Variants in ADGRD1 observed in about 807,000 individuals in gnomAD.
ADGRD1 encodes adhesion G protein-coupled receptor D1, also known as G-protein coupled receptor 133.
ADGRD1 carries 77 observed loss-of-function variants against 113.4 expected under a neutral mutation model. The observed-to-expected ratio is 0.68, with a 90% CI of 0.57 to 0.82. The LOEUF (loss-of-function observed/expected upper bound fraction) is 0.82. ADGRD1 is among the 40% of genes least tolerant of loss of function. The pLI is 0.00. For synonymous variants in ADGRD1, 474 were observed against 475.0 expected (o/e 1.00, Z 0.03); for missense variants, 1,036 against 1,139.1 (o/e 0.91, Z 1.30).
intron 5 of ADGRD1, among the ~76,000 whole-genome samples, chr12:130,982,358 A>G (rs920547455): frequency 6.6e-6 from 1 of 152,258 alleles, no homozygotes; most frequent in Admixed American, 6.5e-5. Context: ...TGTGATGTGC[A>G]GATGATATTG....
At chr12:131,103,069 C>T (rs1950130312) in intron 15 of ADGRD1, among the ~76,000 whole-genome samples, 1 of 152,262 alleles carries the variant, frequency 6.6e-6, no homozygotes, top group Non-Finnish European at 1.5e-5. Flanking sequence ...GCAGTGCCCA[C>T]CTTTCCCGTG....
chr12:130,995,779 T>G (rs1440783281), intron 8 of ADGRD1, among the ~76,000 whole-genome samples: 1 of 152,244 alleles, frequency 6.6e-6, no homozygotes, highest in Non-Finnish European at 1.5e-5. Context: ...TTTTAATTTT[T>G]TATTGATCAT....
intron 18 of ADGRD1, among the ~76,000 whole-genome samples, chr12:131,111,827 C>T (rs1203633377): frequency 2.6e-5 from 4 of 152,026 alleles, no homozygotes; most frequent in African/African-American, 7.2e-5. Flanking sequence ...GAGACAGGGT[C>T]GTTATGCATT....
At chr12:131,136,368 A>G (rs1306539973) in intron 22 of ADGRD1, among the ~76,000 whole-genome samples, 1 of 152,216 alleles carries the variant, frequency 6.6e-6, no homozygotes, top group Non-Finnish European at 1.5e-5. Flanking sequence ...GGGGCTGCCT[A>G]TGCTTCTGGC....
intron 20 of ADGRD1, among the ~76,000 whole-genome samples, chr12:131,123,114 T>C (rs2136064067): frequency 7.6e-6 from 1 of 132,322 alleles, no homozygotes; most frequent in East Asian, 2.8e-4. Context: ...TGGAGTGCAG[T>C]GGCACGATCT....
chr12:131,007,750 G>A (rs374604660), intron 12 of ADGRD1, among the ~76,000 whole-genome samples: 9 of 152,382 alleles, frequency 5.9e-5, no homozygotes, highest in Admixed American at 2.6e-4. Flanking sequence ...GCACATTTAC[G>A]TGCTGAAGCC....
At chr12:131,131,679 G>T (rs1566139248) in intron 20 of ADGRD1, 46 bp from the exon 21 acceptor site, 1 of 1,365,522 alleles carries the variant, frequency 7.3e-7, no homozygotes, top group Non-Finnish European at 1.0e-6. Flanking sequence ...TCTCCTGCAG[G>T]TGCAGCCCAG....
chr12:131,028,591 T>A (rs1218520405), intron 13 of ADGRD1, among the ~76,000 whole-genome samples: 1 of 152,206 alleles, frequency 6.6e-6, no homozygotes, highest in Admixed American at 6.5e-5. Flanking sequence ...GGGCCTGTGG[T>A]CCTTCTCTGC....
intron 19 of ADGRD1, among the ~76,000 whole-genome samples, chr12:131,119,665 G>A (rs896085931): frequency 6.6e-5 from 10 of 152,244 alleles, no homozygotes; most frequent in African/African-American, 1.2e-4. Flanking sequence ...TCTGCATGAA[G>A]TGCTGGAAAG....
intron 5 of ADGRD1, among the ~76,000 whole-genome samples, chr12:130,985,397 A>T (rs1873530241): frequency 6.6e-6 from 1 of 152,012 alleles, no homozygotes; most frequent in South Asian, 2.1e-4. Flanking sequence ...TCTTTCATGG[A>T]TTGTGCCTTT....
intron 11 of ADGRD1, among the ~76,000 whole-genome samples, chr12:131,004,821 C>T (rs1470531085): frequency 1.3e-5 from 2 of 152,198 alleles, no homozygotes; most frequent in Non-Finnish European, 2.9e-5. Context: ...GCTCAGGGGA[C>T]CCCCTGCCTC....
chr12:131,124,476 C>T (rs954138369), intron 20 of ADGRD1, among the ~76,000 whole-genome samples: 24 of 152,188 alleles, frequency 1.6e-4, no homozygotes, highest in Admixed American at 9.8e-4. Context: ...TTTTAGGAAG[C>T]TGTGTGTTTA....
Position 131,027,282 on chromosome 12 carries a change from TTC to T in ADGRD1, c.1473+12944_1473+12945del, listed in dbSNP as rs1452604908. 2 of 152,192 alleles carry T rather than the reference TTC, an allele frequency of 1.3e-5. No individual in the cohort carries two copies. The highest frequency in any genetic ancestry group is 4.8e-5 in the African/African-American group (2 of 41,432). The allele number at this position is 152,192 out of a possible 1,614,324, so 9.4% of individuals were successfully genotyped here. On this transcript the variant is annotated intron_variant, in intron 13 of 24. Coordinates refer to ENST00000261654, the MANE Select transcript of ADGRD1 (RefSeq NM_198827.5). This position sits in a 1 kb window ranked among gnomAD's most constrained non-coding sequence, Gnocchi z 5.1. ...TGACCAGTGTCAACATTGTGGTGAC[TTC>T]TTTCGGGGCTTCTCTAGGTGTGTGT...
chr12:131,066,815 C>G (rs900269916), intron 13 of ADGRD1, among the ~76,000 whole-genome samples: 15 of 152,150 alleles, frequency 9.9e-5, no homozygotes, highest in Admixed American at 9.8e-4. Context: ...CGGGGGCACA[C>G]CTTCAAGTCT....
chr12:131,069,390 G>A (rs984026336), intron 13 of ADGRD1: 8 of 152,340 alleles, frequency 5.3e-5, no homozygotes, highest in South Asian at 2.1e-4. Context: ...GTCACTTGCC[G>A]TGAGTCCTCC....
intron 15 of ADGRD1, among the ~76,000 whole-genome samples, chr12:131,095,841 G>T (rs987640132): frequency 1.3e-5 from 2 of 152,224 alleles, no homozygotes; most frequent in Non-Finnish European, 2.9e-5. Flanking sequence ...ACAGGAGCTC[G>T]AGGGTTCTTT....
At chr12:131,099,923 A>C (rs1950031021) in intron 15 of ADGRD1, among the ~76,000 whole-genome samples, 1 of 152,142 alleles carries the variant, frequency 6.6e-6, no homozygotes, top group Non-Finnish European at 1.5e-5. Context: ...TACATGATAA[A>C]GAGACTTGAT....
intron 12 of ADGRD1, among the ~76,000 whole-genome samples, chr12:131,009,083 A>C (rs1213135873): frequency 6.6e-6 from 1 of 152,212 alleles, no homozygotes; most frequent in Non-Finnish European, 1.5e-5. Flanking sequence ...TAGCTGTACC[A>C]GGTCGGAGGG....
At chr12:131,032,198 T>C (rs1261673806) in intron 13 of ADGRD1, among the ~76,000 whole-genome samples, 1 of 152,136 alleles carries the variant, frequency 6.6e-6, no homozygotes, top group Non-Finnish European at 1.5e-5. Flanking sequence ...TCTCCTAGGC[T>C]ACACAGGCAT....
Sources: allele counts gnomAD v4.1 joint callset (sites outside exome capture counted in the v4.1 genomes callset), GRCh38; gene constraint gnomAD v4.1.1; non-coding constraint Gnocchi (gnomAD v3.1); transcripts MANE v1.5; gene names NCBI Gene and HGNC (gene_info 2026-07-23, HGNC 2026-07-21).